Variants in ZRANB1 observed in about 807,000 individuals in gnomAD.
ZRANB1 encodes the protein zinc finger RANBP2-type containing 1.
ZRANB1 carries 16 observed loss-of-function variants against 80.5 expected under a neutral mutation model. The ratio of observed to expected loss-of-function variants is 0.20; its 90% CI spans 0.13 to 0.30. The LOEUF (loss-of-function observed/expected upper bound fraction) is 0.30, where lower values mean the gene tolerates loss of function less well. Ranked by LOEUF, ZRANB1 falls within the 10% of genes least tolerant of loss-of-function variation. The pLI, the probability that ZRANB1 is intolerant of heterozygous loss-of-function variation, is 1.00. For missense variants in ZRANB1, 576 were observed against 862.6 expected, an observed-to-expected ratio of 0.67 and a Z score of 4.16; for synonymous variants, 291 against 293.1, an observed-to-expected ratio of 0.99 and a Z score of 0.07.
At chr10:124,956,034 C>T (rs758888981) in intron 1 of ZRANB1, among the ~76,000 whole-genome samples, 1 of 152,142 alleles carries the variant, frequency 6.6e-6, no homozygotes, top group African/African-American at 2.4e-5. Flanking sequence ...ATGTCTGAGA[C>T]GTAGTTCTCG....
chr10:124,973,715 A>G lies in ZRANB1; in HGVS notation c.1227A>G (p.Lys409=). 1 of 1,611,972 alleles carries G rather than the reference A, an allele frequency of 6.2e-7. No homozygotes were observed. The highest frequency in any genetic ancestry group is 8.5e-7 in the Non-Finnish European group (1 of 1,179,368). The change falls in exon 4 of 9, where the codon AAA becomes AAG. Residue 409 remains lysine (K), a splice_region_variant and synonymous_variant. Coordinates refer to ENST00000359653, the MANE Select transcript of ZRANB1 (RefSeq NM_017580.3). ...AGGTGCTTGATAGAGACGTTCAAAA[A>G]GGTAAGCATGGAATTAATGAGTATA... The part of the protein sequence containing the change: ...FDEVLDRDVQ[K]ELEEESPIIN...
At chr10:124,920,354 C>G in the ZRANB1 span, among the ~76,000 whole-genome samples, 1 of 152,156 alleles carries the variant, frequency 6.6e-6, no homozygotes, top group African/African-American at 2.4e-5. Flanking sequence ...TATTTGTGCT[C>G]CACTTATGCC....
At chr10:124,928,800 G>A in the ZRANB1 span, among the ~76,000 whole-genome samples, 2 of 152,186 alleles carry the variant, frequency 1.3e-5, no homozygotes, top group African/African-American at 4.8e-5. Flanking sequence ...GTGATGTGAT[G>A]GAGAATGCCT....
At chr10:124,963,340 A>T (rs1230465616) in intron 1 of ZRANB1, among the ~76,000 whole-genome samples, 1 of 151,262 alleles carries the variant, frequency 6.6e-6, no homozygotes, top group Non-Finnish European at 1.5e-5. Flanking sequence ...CCTAGAAAAC[A>T]TGTATATGTT....
At chr10:124,941,693 A>G (rs1312248420), upstream of ZRANB1, among the ~76,000 whole-genome samples, 3 of 152,186 alleles carry the variant, frequency 2.0e-5, no homozygotes, top group East Asian at 1.9e-4. Context: ...AAAATTTAAA[A>G]TATTTTAATT....
intron 2 of ZRANB1, 112 bp downstream of exon 2, chr10:124,966,893 CT>C: frequency 2.1e-6 from 2 of 946,162 alleles, no homozygotes; most frequent in Non-Finnish European, 1.6e-6. Context: ...GTTTTGAATT[CT>C]TTTACCCCCT....
At position 124,987,761 on chromosome 10, in the gene ZRANB1, T is replaced by TTTTG. The variant is rs1381558302; in HGVS notation, c.*2773_*2776dup. On this transcript the variant is annotated 3_prime_UTR_variant, in exon 9 of 9. Transcript: ENST00000359653. ...GCTTTAAGACACCATGATTTTCTTG[T>TTTTG]TTTGTTTTAATTGGGAAGGGAAGTA... The TTTTG allele has an allele frequency of 6.6e-6, 1 of 152,148 alleles. No individual in the cohort carries two copies. The highest frequency in any genetic ancestry group is 2.4e-5 in the African/African-American group (1 of 41,416). The allele number at this position is 152,148 out of a possible 1,614,324, so 9.4% of individuals were successfully genotyped here. A position where few individuals can be genotyped will look rare whatever the true frequency, so the allele number is the denominator to read the frequency against.
intron 2 of ZRANB1, among the ~76,000 whole-genome samples, chr10:124,970,833 GTTTTTTTT>G (rs34391929): frequency 1.8e-4 from 15 of 85,384 alleles, no homozygotes; most frequent in Admixed American, 3.1e-4. Context: ...TCTCTTTGGG[GTTTTTTTT>G]TTTTTTTTTT....
In ZRANB1 at chr10:124,955,896, C is replaced by T. The variant is rs375419353; in HGVS notation, c.815-10698C>T. ...TTAAATGATGCTGGCCCGTTTGGTC[C>T]GGGATTTGAAAGTACTTCCTGACAC... On this transcript the variant is annotated intron_variant, in intron 1 of 8. Transcript: ENST00000359653. 1.0e-3 allele frequency among the ~76,000 whole-genome samples: 152 copies of T among 152,208 alleles called. 1 individual carries two copies. The South Asian group carries it at 0.029, about 30-fold the overall frequency.
Position 124,966,620 on chromosome 10 carries a change from A to G in ZRANB1, c.841A>G (p.Ile281Val), listed in dbSNP as rs1033693033. The G allele has an allele frequency of 3.1e-6, 5 of 1,614,096 alleles. No individual in the cohort carries two copies. The highest frequency in any genetic ancestry group is 4.2e-6 in the Non-Finnish European group (5 of 1,179,988). ...VGVVEGDLAAIEAYKSSGGDI... is the reference protein window; with the variant it reads ...VGVVEGDLAAVEAYKSSGGDI... Reference sequence around the variant, plus strand: ...GGTTGTAGAAGGTGATTTAGCTGCCATAGAAGCATACAAGTCATCAGGAGG... The same window carrying G: ...GGTTGTAGAAGGTGATTTAGCTGCCGTAGAAGCATACAAGTCATCAGGAGG... The change falls in exon 2 of 9, where the codon ATA (isoleucine) becomes GTA (valine). Residue 281 changes from isoleucine to valine, a missense_variant. Physicochemically the swap from Ile to Val is conservative, Grantham distance 29. Around this residue, in one of 3 missense-constraint regions of ZRANB1, gnomAD observed 411 missense variants for 583.1 expected, o/e 0.70. Transcript: ENST00000359653.
intron 1 of ZRANB1, among the ~76,000 whole-genome samples, chr10:124,949,547 G>A (rs2134252584): frequency 7.0e-6 from 1 of 142,696 alleles, no homozygotes; most frequent in African/African-American, 2.6e-5. Context: ...TTTGAGACAG[G>A]ATCTTGCTCT....
Position 124,986,006 on chromosome 10 carries a change from G to A in ZRANB1, c.*1014G>A, listed in dbSNP as rs1952025432. The A allele has an allele frequency of 6.6e-6, 1 of 152,380 alleles. No individual in the cohort carries two copies. Among genetic ancestry groups the A allele is most frequent in the African/African-American group, 2.4e-5 (1 of 41,428 alleles). 9.4% of individuals were successfully genotyped at this position (152,380 alleles called of 1,614,324 possible). The stretch of plus-strand genomic sequence containing the variant: ...AATAAAGATTTTAAAAATGCAATAA[G>A]GTGGCAAATGCATTGTATGAAGAAT... On this transcript the variant is annotated 3_prime_UTR_variant, in exon 9 of 9. Coordinates refer to ENST00000359653, the MANE Select transcript of ZRANB1 (RefSeq NM_017580.3).
chr10:124,983,155 T>C lies in ZRANB1; in HGVS notation c.1549-20T>C, dbSNP rs1243540828. 2.5e-6 allele frequency: 4 copies of C among 1,594,926 alleles called. No individual in the cohort carries two copies. Among genetic ancestry groups the C allele is most frequent in the Non-Finnish European group, 3.4e-6 (4 of 1,172,162 alleles). On this transcript the variant is annotated intron_variant, in intron 6 of 8. Coordinates refer to ENST00000359653, the MANE Select transcript of ZRANB1 (RefSeq NM_017580.3). The surrounding 1 kb of genome is among the most constrained non-coding windows in gnomAD (Gnocchi z 6.2). ...AGGAGTGGTAATAAATGTTTTAAGT[T>C]TTTGTTTTGTTTCGTACAGCCTGGA...
At position 124,943,298 on chromosome 10, in the gene ZRANB1, G is replaced by T; in HGVS notation, c.805G>T (p.Ala269Ser). 6.2e-7 allele frequency: 1 copy of T among 1,611,560 alleles called. No individual in the cohort carries two copies. The highest frequency in any genetic ancestry group is 1.3e-5 in the African/African-American group (1 of 74,880). ...MKKTDWLFLN[A>S]CVGVVEGDLA... Reference sequence around the variant, plus strand: ...AAAGACTGATTGGCTCTTCCTCAATGCTTGTGTGGGTAAGTTTCTGTATTC... The same window carrying T: ...AAAGACTGATTGGCTCTTCCTCAATTCTTGTGTGGGTAAGTTTCTGTATTC... The change falls in exon 1 of 9, where the codon GCT (alanine) becomes TCT (serine). Residue 269 changes from alanine (A) to serine (S), a missense_variant. Transcript: ENST00000359653.
At chr10:124,936,254 G>C in the ZRANB1 span, among the ~76,000 whole-genome samples, 1 of 152,172 alleles carries the variant, frequency 6.6e-6, no homozygotes, top group Non-Finnish European at 1.5e-5. Flanking sequence ...GGAACAGTCA[G>C]CTGGATGGAT....
intron 2 of ZRANB1, among the ~76,000 whole-genome samples, chr10:124,970,833 GTTTTTTTTTTT>G (rs34391929): frequency 1.2e-5 from 1 of 85,380 alleles, no homozygotes; most frequent in Non-Finnish European, 2.1e-5. Context: ...TCTCTTTGGG[GTTTTTTTTTTT>G]TTTTTTTTTT....
intron 1 of ZRANB1, among the ~76,000 whole-genome samples, chr10:124,945,004 G>T (rs987309098): frequency 9.2e-5 from 14 of 152,050 alleles, no homozygotes; most frequent in African/African-American, 3.4e-4. Context: ...CCAAATTGAG[G>T]GGCAACATAC....
At position 124,985,197 on chromosome 10, in the gene ZRANB1, G is replaced by A. The variant is rs556011890; in HGVS notation, c.*205G>A. On this transcript the variant is annotated 3_prime_UTR_variant, in exon 9 of 9. Transcript: ENST00000359653. ...GACAGAGAACTTTAGTTGGACTACA[G>A]TTTGTAAAAAAAACTAATTTTATTA... is the stretch of plus-strand genomic sequence containing the variant. The A allele has an allele frequency of 2.1e-6, 1 of 475,384 alleles. No homozygotes were observed. The highest frequency in any genetic ancestry group is 3.7e-6 in the Non-Finnish European group (1 of 270,768). The allele number at this position is 475,384 out of a possible 1,614,324, so 29.4% of individuals were successfully genotyped here. A position where few individuals can be genotyped will look rare whatever the true frequency, so the allele number is the denominator to read the frequency against.
intron 2 of ZRANB1, among the ~76,000 whole-genome samples, chr10:124,968,075 T>C (rs2134284420): frequency 6.6e-6 from 1 of 152,196 alleles, no homozygotes; most frequent in East Asian, 1.9e-4. Context: ...ATTTTGTATT[T>C]TTAGAAAGGT....
Sources: gnomAD v4.1 joint callset for allele counts (sites outside exome capture counted in the v4.1 genomes callset) on GRCh38, gnomAD v4.1.1 for gene constraint, gnomAD v4.1.1 regional missense constraint, Gnocchi (gnomAD v3.1) non-coding constraint, MANE v1.5 for transcripts, NCBI Gene and HGNC (gene_info 2026-07-23, HGNC 2026-07-21) for gene names.